The following PTCHD4 variants were observed in gnomAD, a reference collection of about 807,000 sequenced individuals.
PTCHD4 encodes the protein patched domain-containing protein 4.
Under a neutral mutation model 58.1 loss-of-function variants are expected in PTCHD4, and 33 were observed. The observed-to-expected ratio is 0.57, with a 90% confidence interval of 0.43 to 0.76. The LOEUF (loss-of-function observed/expected upper bound fraction) is 0.76. PTCHD4 is among the 30% of genes least tolerant of loss of function. The pLI is 0.00. For missense variants in PTCHD4, 1,058 were observed against 1,027.1 expected, an observed-to-expected ratio of 1.03 and a Z score of -0.41; for synonymous variants, 478 against 409.6, an observed-to-expected ratio of 1.17 and a Z score of -2.02.
intron 4 of PTCHD4, among the ~76,000 whole-genome samples, chr6:47,886,484 T>TTA (rs1554149652): frequency 0.014 from 2,170 of 151,160 alleles, 53 homozygotes; most frequent in African/African-American, 0.05. Flanking sequence ...AAATAGAGGT[T>TTA]AAAAAAAAAT....
intron 1 of PTCHD4, among the ~76,000 whole-genome samples, chr6:48,072,880 T>C (rs569001521): frequency 6.6e-6 from 1 of 152,078 alleles, no homozygotes; most frequent in Admixed American, 6.5e-5. Flanking sequence ...ATTGTTTTTC[T>C]ATAACAAAAA....
chr6:48,084,188 G>T (rs1765218790), intron 1 of PTCHD4, among the ~76,000 whole-genome samples: 1 of 152,114 alleles, frequency 6.6e-6, no homozygotes, highest in African/African-American at 2.4e-5. Context: ...GCCAACTACT[G>T]TTAGCAATCT....
chr6:48,011,803 T>C (rs1762684965), intron 3 of PTCHD4, among the ~76,000 whole-genome samples: 1 of 152,210 alleles, frequency 6.6e-6, no homozygotes, highest in Non-Finnish European at 1.5e-5. Context: ...CTAGCCAGTT[T>C]TCCCAGCATC....
In PTCHD4 at chr6:47,901,024, G is replaced by C. The variant is rs1764678199; in HGVS notation, c.899-21088C>G. On this transcript the variant is annotated intron_variant, in intron 4 of 4. Transcript: ENST00000339488. ...AAAAAATTAGCCGGGCGCGGTGGCG[G>C]GCGCCTGTAGTCCCAGCTACTCGGG... 2.0e-5 allele frequency: 3 copies of C among 150,620 alleles called. No homozygotes were observed. In the East Asian group the frequency reaches 5.8e-4, roughly 29 times the overall value. The allele number at this position is 150,620 out of a possible 1,614,324, so 9.3% of individuals were successfully genotyped here. A position where few individuals can be genotyped will look rare whatever the true frequency, so the allele number is the denominator to read the frequency against.
Position 48,069,145 on chromosome 6 carries a change from G to GC in PTCHD4, c.-189_-188insG, listed in dbSNP as rs1764915792. On this transcript the variant is annotated 5_prime_UTR_variant, in exon 2 of 5. An upstream open reading frame in the 5' UTR gains an earlier in-frame stop. Coordinates refer to ENST00000339488, the MANE Select transcript of PTCHD4 (RefSeq NM_001384253.1). ...AGCAGACATGTGCCCCATAAAGGGG[G>GC]GGGGGGCTGAGGGGGGGAGAGGAGG... Among the ~76,000 whole-genome samples, 1 of 141,792 alleles carries GC rather than the reference G, an allele frequency of 7.1e-6. No homozygotes were observed. The highest frequency in any genetic ancestry group is 2.6e-4 in the South Asian group (1 of 3,896). 93.0% of individuals were successfully genotyped at this position (141,792 alleles called of 152,430 possible).
chr6:47,953,187 A>G (rs964086853), intron 4 of PTCHD4, among the ~76,000 whole-genome samples: 1 of 152,002 alleles, frequency 6.6e-6, no homozygotes, highest in Non-Finnish European at 1.5e-5. Context: ...GTTTATGACA[A>G]TTTTGACACT....
At chr6:47,940,423 A>T (rs897517196) in intron 4 of PTCHD4, among the ~76,000 whole-genome samples, 4 of 152,160 alleles carry the variant, frequency 2.6e-5, no homozygotes, top group Admixed American at 6.6e-5. Context: ...AAAATTATTT[A>T]AAAAAAGAGA....
intron 1 of PTCHD4, among the ~76,000 whole-genome samples, chr6:48,081,221 T>A (rs1031644611): frequency 6.6e-6 from 1 of 152,162 alleles, no homozygotes; most frequent in Non-Finnish European, 1.5e-5. Flanking sequence ...ATAGATGTAA[T>A]TTGGTGATAG....
rs904865485 is a variant in PTCHD4 at position 47,856,786 on chromosome 6, C to T, written c.*21517G>A. Reference sequence around the variant, plus strand: ...GAATAATTTTATGAACATTTTATACCTAATAAAAAAGTTAAAATAATTAAC... The same window carrying T: ...GAATAATTTTATGAACATTTTATACTTAATAAAAAAGTTAAAATAATTAAC... On this transcript the variant is annotated 3_prime_UTR_variant, in exon 5 of 5. Coordinates refer to ENST00000339488, the MANE Select transcript of PTCHD4 (RefSeq NM_001384253.1). Among the ~76,000 whole-genome samples the T allele has an allele frequency of 2.6e-5, 4 of 151,848 alleles. No homozygotes were observed. The highest frequency in any genetic ancestry group is 6.8e-3 in the Middle Eastern group (2 of 294).
chr6:48,036,822 G>A (rs746721118), intron 3 of PTCHD4, among the ~76,000 whole-genome samples: 1 of 152,092 alleles, frequency 6.6e-6, no homozygotes, highest in Non-Finnish European at 1.5e-5. Flanking sequence ...TTGTGAGAAA[G>A]GAAGAAAATT....
chr6:48,075,249 A>T (rs1765041433), intron 1 of PTCHD4, among the ~76,000 whole-genome samples: 1 of 152,186 alleles, frequency 6.6e-6, no homozygotes, highest in South Asian at 2.1e-4. Flanking sequence ...TATGATAAAC[A>T]CCATTCTTAT....
At chr6:47,921,347 T>G (rs73739011) in intron 4 of PTCHD4, among the ~76,000 whole-genome samples, 1,937 of 152,298 alleles carry the variant, frequency 0.013, 45 homozygotes, top group African/African-American at 0.044. Context: ...TTTTGTTAAT[T>G]AAATGATCTT....
intron 4 of PTCHD4, among the ~76,000 whole-genome samples, chr6:47,891,221 CAAAAAAAAAA>C (rs35503136): frequency 1.2e-5 from 1 of 83,336 alleles, no homozygotes. Context: ...GACTGTGTCT[CAAAAAAAAAA>C]AAAAAAAAAA....
At chr6:48,098,577 G>C (rs569061757) in intron 1 of PTCHD4, among the ~76,000 whole-genome samples, 82 of 152,238 alleles carry the variant, frequency 5.4e-4, no homozygotes, top group African/African-American at 1.9e-3. Flanking sequence ...GACCTCAACT[G>C]ATCCACTCAC....
intron 4 of PTCHD4, among the ~76,000 whole-genome samples, chr6:47,942,690 C>G (rs1436816517): frequency 6.6e-6 from 1 of 152,184 alleles, no homozygotes; most frequent in Non-Finnish European, 1.5e-5. Context: ...ACTGTAGCAA[C>G]CTCATGTTTG....
At chr6:48,073,640 C>T (rs575108059) in intron 1 of PTCHD4, among the ~76,000 whole-genome samples, 1 of 152,272 alleles carries the variant, frequency 6.6e-6, no homozygotes, top group East Asian at 1.9e-4. Flanking sequence ...CAAGCTCAGG[C>T]CTGGATTCCA....
At chr6:47,895,379 T>C (rs1002964858) in intron 4 of PTCHD4, among the ~76,000 whole-genome samples, 2 of 152,226 alleles carry the variant, frequency 1.3e-5, no homozygotes, top group African/African-American at 2.4e-5. Context: ...TATTCACTTA[T>C]AATTGACTGA....
chr6:48,054,701 C>T (rs1474288742), intron 3 of PTCHD4, among the ~76,000 whole-genome samples: 1 of 151,902 alleles, frequency 6.6e-6, no homozygotes, highest in Non-Finnish European at 1.5e-5. Context: ...TATAAATATG[C>T]TTATGATAAA....
At chr6:48,018,762 T>A (rs780930921) in intron 3 of PTCHD4, among the ~76,000 whole-genome samples, 6 of 152,182 alleles carry the variant, frequency 3.9e-5, no homozygotes, top group Non-Finnish European at 5.9e-5. Context: ...CACAAAGAGA[T>A]CACAGTGGTT....
Sources: gnomAD v4.1 joint callset for allele counts (sites outside exome capture counted in the v4.1 genomes callset) on GRCh38, gnomAD v4.1.1 for gene constraint, MANE v1.5 for transcripts, NCBI Gene and HGNC (gene_info 2026-07-23, HGNC 2026-07-21) for gene names.